The following IRGQ variants were observed in gnomAD, a reference collection of about 807,000 sequenced individuals.
The protein encoded by IRGQ is immunity-related GTPase family Q protein.
In IRGQ, 5 loss-of-function variants were observed where a neutral mutation model predicts 10.5. The observed-to-expected ratio is 0.48, with a 90% CI of 0.25 to 1.00. The LOEUF is 1.00. Among genes scored for constraint, IRGQ ranks in the 50% least tolerant of loss-of-function variants. IRGQ has a pLI of 0.16. For synonymous variants in IRGQ, 418 were observed against 426.0 expected, an observed-to-expected ratio of 0.98 and a Z score of 0.23; for missense variants, 792 against 877.7, an observed-to-expected ratio of 0.90 and a Z score of 1.23.
At position 43,595,132 on chromosome 19, in the gene IRGQ, C is replaced by T; in HGVS notation, c.207G>A (p.Gly69=). The T allele has an allele frequency of 1.3e-6, 2 of 1,599,754 alleles. No homozygotes were observed. The highest frequency in any genetic ancestry group is 1.7e-6 in the Non-Finnish European group (2 of 1,172,580). ...GELSCPPAAP[G]PWAAEANVLV... Reference sequence around the variant, plus strand: ...GCACGTTGGCTTCCGCCGCCCAGGGCCCCGGCGCTGCGGGTGGGCAGCTCA... The same window carrying T: ...GCACGTTGGCTTCCGCCGCCCAGGGTCCCGGCGCTGCGGGTGGGCAGCTCA... The change falls in exon 2 of 3, where the codon GGG becomes GGA. Residue 69 remains glycine, a synonymous_variant. Transcript: ENST00000422989.
chr19:43,592,149 C>T lies in IRGQ; in HGVS notation c.1749G>A (p.Ala583=), dbSNP rs772662706. 52 of 1,609,704 alleles carry T rather than the reference C, an allele frequency of 3.2e-5. No individual in the cohort carries two copies. The Middle Eastern group carries it at 8.2e-4, about 25-fold the overall frequency. The part of the protein sequence containing the change: ...ALGALSFLWP[A]GGAAATGGLG... ...GGCCACCTGTCGCCGCTGCACCACCCGCAGGCCACAGGAAGGAGAGAGCCC... is the reference window on the plus strand; with the variant it reads ...GGCCACCTGTCGCCGCTGCACCACCTGCAGGCCACAGGAAGGAGAGAGCCC... The change falls in exon 3 of 3, where the codon GCG becomes GCA. Residue 583 remains alanine, a synonymous_variant. Coordinates refer to ENST00000422989, the MANE Select transcript of IRGQ (RefSeq NM_001007561.3).
intron 2 of IRGQ, among the ~76,000 whole-genome samples, chr19:43,594,067 G>A (rs1973096094): frequency 6.6e-6 from 1 of 152,246 alleles, no homozygotes; most frequent in Non-Finnish European, 1.5e-5. Context: ...GAGAAAGGAG[G>A]TAGATGAGGA....
rs1429656153 is a variant in IRGQ, at chr19:43,587,779, G to A, written c.*4247C>T. 6.6e-6 allele frequency: 1 copy of A among 151,738 alleles called. No individual in the cohort carries two copies. The highest frequency in any genetic ancestry group is 1.5e-5 in the Non-Finnish European group (1 of 67,940). The allele number at this position is 151,738 out of a possible 1,614,324, so 9.4% of individuals were successfully genotyped here. On this transcript the variant is annotated 3_prime_UTR_variant, in exon 3 of 3. Coordinates refer to ENST00000422989, the MANE Select transcript of IRGQ (RefSeq NM_001007561.3). ...AAAATTAGTGGGCATGGTGGCGGGT[G>A]CCTGTAATCCCAGCTACTCGGGAGG...
At position 43,591,943 on chromosome 19, in the gene IRGQ, G is replaced by C. The variant is rs1025005269; in HGVS notation, c.*83C>G. On this transcript the variant is annotated 3_prime_UTR_variant, in exon 3 of 3. Coordinates refer to ENST00000422989, the MANE Select transcript of IRGQ (RefSeq NM_001007561.3). ...GTCACACATCCCAGCTGGAAGTCAA[G>C]AGTCCACATCCCCTTCAAGCACCCA... is the stretch of plus-strand genomic sequence containing the variant. 5.8e-6 allele frequency: 8 copies of C among 1,371,640 alleles called. No homozygotes were observed. Among genetic ancestry groups the C allele is most frequent in the Non-Finnish European group, 7.9e-6 (8 of 1,011,906 alleles). 85.0% of individuals were successfully genotyped at this position (1,371,640 alleles called of 1,614,324 possible).
In IRGQ at chr19:43,592,263, A is replaced by G; in HGVS notation, c.1635T>C (p.Ala545=). ...CGCGCGTCACCGGGCCTGGGAAATGAGCGCGCGCTGCCAGCTCTCCAGAAG... is the reference window on the plus strand; with the variant it reads ...CGCGCGTCACCGGGCCTGGGAAATGGGCGCGCGCTGCCAGCTCTCCAGAAG... ...GLASGELAAR[A]HFPGPVTRAE... is the part of the protein sequence containing the mutation. The change falls in exon 3 of 3, where the codon GCT becomes GCC. Residue 545 remains alanine, a synonymous_variant. Coordinates refer to ENST00000422989, the MANE Select transcript of IRGQ (RefSeq NM_001007561.3). 1 of 1,575,810 alleles carries G rather than the reference A, an allele frequency of 6.3e-7. No homozygotes were observed. The highest frequency in any genetic ancestry group is 8.6e-7 in the Non-Finnish European group (1 of 1,169,166).
At position 43,586,510 on chromosome 19, in the gene IRGQ, T is replaced by C. The variant is rs903397675; in HGVS notation, c.*5516A>G. 1.3e-5 allele frequency: 2 copies of C among 152,186 alleles called. No individual in the cohort carries two copies. Among genetic ancestry groups the C allele is most frequent in the Non-Finnish European group, 2.9e-5 (2 of 68,040 alleles). 9.4% of individuals were successfully genotyped at this position (152,186 alleles called of 1,614,324 possible). A position where few individuals can be genotyped will look rare whatever the true frequency, so the allele number is the denominator to read the frequency against. On this transcript the variant is annotated 3_prime_UTR_variant, in exon 3 of 3. Coordinates refer to ENST00000422989, the MANE Select transcript of IRGQ (RefSeq NM_001007561.3). ...GTCTTGCTTTCTCAGATATGATCTC[T>C]GGCATGACTCCTGCTGGCATGAGGG...
rs891671599 is a variant in IRGQ, at chr19:43,584,593, A to G, written c.*7433T>C. 1.3e-5 allele frequency: 2 copies of G among 152,238 alleles called. No homozygotes were observed. Among genetic ancestry groups the G allele is most frequent in the Admixed American group, 6.5e-5 (1 of 15,282 alleles). 9.4% of individuals were successfully genotyped at this position (152,238 alleles called of 1,614,324 possible). On this transcript the variant is annotated 3_prime_UTR_variant, in exon 3 of 3. Coordinates refer to ENST00000422989, the MANE Select transcript of IRGQ (RefSeq NM_001007561.3). Reference sequence around the variant, plus strand: ...AGTCTGTATTAGTTGCTTTTGCTACATAACAAACCACTCCAAAATTTAGTG... The same window carrying G: ...AGTCTGTATTAGTTGCTTTTGCTACGTAACAAACCACTCCAAAATTTAGTG...
In IRGQ at chr19:43,592,612, G is replaced by A. The variant is rs1973074826; in HGVS notation, c.1286C>T (p.Pro429Leu). Residue 429 changes from proline to leucine, a missense_variant, in exon 3 of 3, where the codon CCG becomes CTG. Physicochemically the swap from Pro to Leu is moderately conservative, Grantham distance 98. Coordinates refer to ENST00000422989, the MANE Select transcript of IRGQ (RefSeq NM_001007561.3). ...ETWEVLEEAPPPVFPLRPGGL... is the reference protein window; with the variant it reads ...ETWEVLEEAPLPVFPLRPGGL... ...GCCAGGCCGTAGGGGGAACACTGGC[G>A]GCGGCGCCTCCTCCAGCACCTCCCA... 3.7e-6 allele frequency: 6 copies of A among 1,601,494 alleles called. No individual in the cohort carries two copies. Among genetic ancestry groups the A allele is most frequent in the Non-Finnish European group, 4.2e-6 (5 of 1,179,866 alleles).
At position 43,593,241 on chromosome 19, in the gene IRGQ, G is replaced by A. The variant is rs760624823; in HGVS notation, c.657C>T (p.Arg219=). ...ALSWVRSGLE[R]LGSARLDLAV... ...CCAGGTCTAGCCGTGCGCTGCCCAG[G>A]CGCTCCAGGCCTGAGCGCACCCACG... The change falls in exon 3 of 3, where the codon CGC becomes CGT. Residue 219 remains arginine (R), a synonymous_variant. Transcript: ENST00000422989. This position sits in a 1 kb window ranked among gnomAD's most constrained non-coding sequence, Gnocchi z 6.4. 1 of 1,588,694 alleles carries A rather than the reference G, an allele frequency of 6.3e-7. No individual in the cohort carries two copies. The highest frequency in any genetic ancestry group is 8.6e-7 in the Non-Finnish European group (1 of 1,165,782).
Position 43,585,719 on chromosome 19 carries a change from T to C in IRGQ, c.*6307A>G, listed in dbSNP as rs1378459730. The C allele has an allele frequency of 2.0e-5, 3 of 152,086 alleles. No homozygotes were observed. Among genetic ancestry groups the C allele is most frequent in the Non-Finnish European group, 4.4e-5 (3 of 68,018 alleles). The allele number at this position is 152,086 out of a possible 1,614,324, so 9.4% of individuals were successfully genotyped here. On this transcript the variant is annotated 3_prime_UTR_variant, in exon 3 of 3. Transcript: ENST00000422989. ...GCTCCAGAACTAAGGCGCTTTACCATCATAAGCTCCCAATGTTTAAACAGT... is the reference window on the plus strand; with the variant it reads ...GCTCCAGAACTAAGGCGCTTTACCACCATAAGCTCCCAATGTTTAAACAGT...
chr19:43,592,310 G>A lies in IRGQ; in HGVS notation c.1588C>T (p.Arg530Cys). 1.3e-6 allele frequency: 2 copies of A among 1,564,738 alleles called. No homozygotes were observed. Among genetic ancestry groups the A allele is most frequent in the East Asian group, 4.8e-5 (2 of 41,838 alleles). Residue 530 changes from arginine to cysteine, a missense_variant, in exon 3 of 3, where the codon CGT (arginine) becomes TGT (cysteine). Physicochemically the swap from Arg to Cys is radical, Grantham distance 180. Coordinates refer to ENST00000422989, the MANE Select transcript of IRGQ (RefSeq NM_001007561.3). ...LGLEPTALAR[R>C]ERALGLASGE... ...GAAGCCAGGCCCAGGGCACGCTCAC[G>A]TCGAGCCAGTGCCGTGGGTTCCAGC... is the stretch of plus-strand genomic sequence containing the variant.
Position 43,593,613 on chromosome 19 carries a change from C to A in IRGQ, c.531-246G>T, listed in dbSNP as rs2146098762. ...ACGGGTGGACATAAGGTCAGGTTTC[C>A]CACCCCAGCCTAAAATGGGGATTGG... is the stretch of plus-strand genomic sequence containing the variant. On this transcript the variant is annotated intron_variant, in intron 2 of 2. Coordinates refer to ENST00000422989, the MANE Select transcript of IRGQ (RefSeq NM_001007561.3). This position sits in a 1 kb window ranked among gnomAD's most constrained non-coding sequence, Gnocchi z 6.4. 6.6e-6 allele frequency among the ~76,000 whole-genome samples: 1 copy of A among 152,274 alleles called. No homozygotes were observed. The highest frequency in any genetic ancestry group is 1.5e-5 in the Non-Finnish European group (1 of 68,032).
rs1166128659 is a variant in IRGQ, at chr19:43,592,466, G to A, written c.1432C>T (p.Arg478Ter). Reference sequence around the variant, plus strand: ...AGAGCTGGCCTCCACGCCCCGGCTCGCAACGCCGCAGCCTTGGTTCGGGCA... The same window carrying A: ...AGAGCTGGCCTCCACGCCCCGGCTCACAACGCCGCAGCCTTGGTTCGGGCA... Reference protein sequence around the residue: ...SAARTKAAALRAGAWRPALLA... With the variant: ...SAARTKAAAL The change falls in exon 3 of 3, where the codon CGA (arginine) becomes TGA (stop). Residue 478 changes from arginine (R) to a stop codon, truncating the protein, a stop_gained. Coordinates refer to ENST00000422989, the MANE Select transcript of IRGQ (RefSeq NM_001007561.3). LOFTEE classifies it high-confidence loss of function. 1 of 1,587,428 alleles carries A rather than the reference G, an allele frequency of 6.3e-7. No individual in the cohort carries two copies. Among genetic ancestry groups the A allele is most frequent in the African/African-American group, 1.3e-5 (1 of 74,698 alleles).
chr19:43,591,920 C>CACACATCCCAGCTGGAAGTCAAGAGT lies in IRGQ; in HGVS notation c.*80_*105dup. 1 of 1,109,632 alleles carries CACACATCCCAGCTGGAAGTCAAGAGT rather than the reference C, an allele frequency of 9.0e-7. No individual in the cohort carries two copies. Among genetic ancestry groups the CACACATCCCAGCTGGAAGTCAAGAGT allele is most frequent in the Non-Finnish European group, 1.3e-6 (1 of 783,326 alleles). The allele number at this position is 1,109,632 out of a possible 1,614,324, so 68.7% of individuals were successfully genotyped here. ...TCTCTGAATCCAGGTGATAAGAAGT[C>CACACATCCCAGCTGGAAGTCAAGAGT]ACACATCCCAGCTGGAAGTCAAGAG... On this transcript the variant is annotated 3_prime_UTR_variant, in exon 3 of 3. Coordinates refer to ENST00000422989, the MANE Select transcript of IRGQ (RefSeq NM_001007561.3).
In IRGQ at chr19:43,593,016, T is replaced by TG; in HGVS notation, c.881dup (p.Thr295AsnfsTer16). 6.2e-7 allele frequency: 1 copy of TG among 1,606,640 alleles called. No individual in the cohort carries two copies. Among genetic ancestry groups the TG allele is most frequent in the Non-Finnish European group, 8.5e-7 (1 of 1,176,852 alleles). On this transcript the variant is annotated frameshift_variant, in exon 3 of 3. Coordinates refer to ENST00000422989, the MANE Select transcript of IRGQ (RefSeq NM_001007561.3). LOFTEE classifies it low-confidence loss of function (END_TRUNC). This position sits in a 1 kb window ranked among gnomAD's most constrained non-coding sequence, Gnocchi z 6.4. ...CGAGGATGAGGGCGTCGTAGTGCGT[T>TG]GGGTGAGAGGCGGCGGCCGCGGTGG... is the stretch of plus-strand genomic sequence containing the variant.
rs369325374 is a variant in IRGQ at position 43,595,104 on chromosome 19, C to T, written c.235G>A (p.Val79Ile). The T allele has an allele frequency of 6.8e-6, 11 of 1,606,434 alleles. No homozygotes were observed. Among genetic ancestry groups the T allele is most frequent in the Non-Finnish European group, 9.4e-6 (11 of 1,175,712 alleles). ...CCCTCGGGTCCGGGCAGCACCAGTA[C>T]CAGCACGTTGGCTTCCGCCGCCCAG... Reference protein sequence around the residue: ...GPWAAEANVLVLVLPGPEGNG... With the variant: ...GPWAAEANVLILVLPGPEGNG... The change falls in exon 2 of 3, where the codon GTA (valine) becomes ATA (isoleucine). Residue 79 changes from valine to isoleucine, a missense_variant. Physicochemically the swap from Val to Ile is conservative, Grantham distance 29. Coordinates refer to ENST00000422989, the MANE Select transcript of IRGQ (RefSeq NM_001007561.3).
chr19:43,592,825 C>G lies in IRGQ; in HGVS notation c.1073G>C (p.Gly358Ala). ...NPKGESLKNA[G>A]GGGLENALSK... ...GAGTGCATTCTCCAATCCCCCTCCA[C>G]CTGCGTTCTTTAAGCTCTCGCCCTT... Residue 358 changes from glycine (G) to alanine (A), a missense_variant, in exon 3 of 3, where the codon GGT (glycine) becomes GCT (alanine). Gly to Ala is a moderately conservative substitution (Grantham distance 60, BLOSUM62 0). Transcript: ENST00000422989. 6.2e-7 allele frequency: 1 copy of G among 1,614,110 alleles called. No individual in the cohort carries two copies. Among genetic ancestry groups the G allele is most frequent in the Non-Finnish European group, 8.5e-7 (1 of 1,180,036 alleles).
Position 43,593,417 on chromosome 19 carries a change from A to C in IRGQ, c.531-50T>G. 6.8e-7 allele frequency: 1 copy of C among 1,471,596 alleles called. No homozygotes were observed. The highest frequency in any genetic ancestry group is 9.0e-7 in the Non-Finnish European group (1 of 1,108,978). 91.2% of individuals were successfully genotyped at this position (1,471,596 alleles called of 1,614,324 possible). ...TCAAAGGTAGAAGAGGGGCTGGGTG[A>C]CATGGACTGGGCTATGATGACAAGG... On this transcript the variant is annotated intron_variant, in intron 2 of 2. Coordinates refer to ENST00000422989, the MANE Select transcript of IRGQ (RefSeq NM_001007561.3). This position sits in a 1 kb window ranked among gnomAD's most constrained non-coding sequence, Gnocchi z 6.4.
At position 43,593,326 on chromosome 19, in the gene IRGQ, G is replaced by A; in HGVS notation, c.572C>T (p.Ala191Val). 3 of 1,543,330 alleles carry A rather than the reference G, an allele frequency of 1.9e-6. No individual in the cohort carries two copies. The highest frequency in any genetic ancestry group is 1.7e-6 in the Non-Finnish European group (2 of 1,145,534). The change falls in exon 3 of 3, where the codon GCA becomes GTA. Residue 191 changes from alanine (A) to valine (V), a missense_variant. Transcript: ENST00000422989. This position sits in a 1 kb window ranked among gnomAD's most constrained non-coding sequence, Gnocchi z 6.4. ...PAQDGFEVLG[A>V]AELEAVREAF... ...CTCACGCACAGCCTCTAGCTCTGCT[G>A]CACCCAACACCTCGAAGCCATCCTG... is the stretch of plus-strand genomic sequence containing the variant.
Sources: gnomAD v4.1 joint callset for allele counts (sites outside exome capture counted in the v4.1 genomes callset) on GRCh38, gnomAD v4.1.1 for gene constraint, Gnocchi (gnomAD v3.1) non-coding constraint, MANE v1.5 for transcripts, NCBI Gene and HGNC (gene_info 2026-07-23, HGNC 2026-07-21) for gene names.